Variants in ROBO3 observed in about 807,000 individuals in gnomAD.
ROBO3 encodes roundabout guidance receptor 3.
In ROBO3, 97 loss-of-function variants were observed where a neutral mutation model predicts 160.5. The ratio of observed to expected loss-of-function variants is 0.60; its 90% CI spans 0.51 to 0.72. ROBO3 has a LOEUF of 0.72. ROBO3 is among the 30% of genes least tolerant of loss of function. The probability of loss-of-function intolerance (pLI) is 0.00; values close to 1 mark genes in which losing one functional copy is unlikely to be tolerated. For synonymous variants in ROBO3, 780 were observed against 746.2 expected (o/e 1.05, Z -0.74); for missense variants, 1,858 against 1,846.5 (o/e 1.01, Z -0.11).
In ROBO3 at chr11:124,870,141, T is replaced by C. The variant is rs568098951; in HGVS notation, c.767-24T>C. 1.9e-6 allele frequency: 3 copies of C among 1,614,028 alleles called. No homozygotes were observed. The African/African-American group carries it at 4.0e-5, about 22-fold the overall frequency. On this transcript the variant is annotated intron_variant, in intron 4 of 27. Transcript: ENST00000397801. ...TAAGTAGCCGTGCAGACACCCTGACTGTTCACTCACTACCACTCCATAGAG... is the reference window on the plus strand; with the variant it reads ...TAAGTAGCCGTGCAGACACCCTGACCGTTCACTCACTACCACTCCATAGAG...
At position 124,873,261 on chromosome 11, in the gene ROBO3, T is replaced by A; in HGVS notation, c.1537-49T>A. On this transcript the variant is annotated intron_variant, in intron 9 of 27. Transcript: ENST00000397801. The surrounding 1 kb of genome is among the most constrained non-coding windows in gnomAD (Gnocchi z 4.5). ...CTGCTACCCGCCTCCACCCCCTCAC[T>A]GGATCTTGCTCCACTCTCAGTTTGC... The A allele has an allele frequency of 6.5e-7, 1 of 1,543,672 alleles. No individual in the cohort carries two copies. Among genetic ancestry groups the A allele is most frequent in the African/African-American group, 1.4e-5 (1 of 73,436 alleles).
intron 26 of ROBO3, 78 bp downstream of exon 26, chr11:124,880,026 C>A: frequency 1.5e-6 from 2 of 1,322,578 alleles, no homozygotes; most frequent in Non-Finnish European, 2.0e-6. Context: ...TGATAGTAGA[C>A]CAGCTCAGCC....
chr11:124,880,631 A>C lies in ROBO3; in HGVS notation c.4149+23A>C, dbSNP rs985282544. The C allele has an allele frequency of 2.6e-6, 4 of 1,512,218 alleles. No individual in the cohort carries two copies. In the African/African-American group the frequency reaches 5.6e-5, roughly 21 times the overall value. 93.7% of individuals were successfully genotyped at this position (1,512,218 alleles called of 1,614,324 possible). A position where few individuals can be genotyped will look rare whatever the true frequency, so the allele number is the denominator to read the frequency against. ...GAGGTAGGGGCCATAGATTGCAGAA[A>C]AATGAGGGCAGAGGACTAGGGAAGG... On this transcript the variant is annotated intron_variant, in intron 27 of 27. Coordinates refer to ENST00000397801, the MANE Select transcript of ROBO3 (RefSeq NM_022370.4).
In ROBO3 at chr11:124,873,593, C is replaced by T; in HGVS notation, c.1619-104C>T. The T allele has an allele frequency of 8.6e-7, 1 of 1,163,002 alleles. No individual in the cohort carries two copies. The highest frequency in any genetic ancestry group is 1.2e-6 in the Non-Finnish European group (1 of 824,960). 72.0% of individuals were successfully genotyped at this position (1,163,002 alleles called of 1,614,324 possible). On this transcript the variant is annotated intron_variant, in intron 10 of 27. Coordinates refer to ENST00000397801, the MANE Select transcript of ROBO3 (RefSeq NM_022370.4). The surrounding 1 kb of genome is among the most constrained non-coding windows in gnomAD (Gnocchi z 4.5). ...TTCATATACTATAGCCCACTCTGAC[C>T]ATCACCGCAGCTCAGAGCTCCATAG...
At chr11:124,870,548 G>C in intron 5 of ROBO3, 53 bp from the exon 6 acceptor site, 4 of 1,611,810 alleles carry the variant, frequency 2.5e-6, no homozygotes, top group South Asian at 2.2e-5. Context: ...CTGGGGGAGA[G>C]AGAAAGGGTC....
Position 124,869,664 on chromosome 11 carries a change from G to A in ROBO3, c.645+57G>A, listed in dbSNP as rs970875967. The A allele has an allele frequency of 8.7e-6, 13 of 1,492,036 alleles. No homozygotes were observed. Among genetic ancestry groups the A allele is most frequent in the Non-Finnish European group, 1.2e-5 (13 of 1,112,126 alleles). The allele number at this position is 1,492,036 out of a possible 1,614,324, so 92.4% of individuals were successfully genotyped here. On this transcript the variant is annotated intron_variant, in intron 3 of 27. Transcript: ENST00000397801. The surrounding 1 kb of genome is among the most constrained non-coding windows in gnomAD (Gnocchi z 4.2). Reference sequence around the variant, plus strand: ...CAAGGGAGGGGACATAGGGTAGGGAGGTGACAAGGCTGGAGATTGAGATCA... The same window carrying A: ...CAAGGGAGGGGACATAGGGTAGGGAAGTGACAAGGCTGGAGATTGAGATCA...
chr11:124,878,451 T>A lies in ROBO3; in HGVS notation c.3320+15T>A, dbSNP rs764768516. 1.2e-6 allele frequency: 2 copies of A among 1,610,838 alleles called. No individual in the cohort carries two copies. Among genetic ancestry groups the A allele is most frequent in the Admixed American group, 3.3e-5 (2 of 59,924 alleles). ...CTGGAGGGCAGGTAGAGATGCTCCCTGCTTCCAGGCCCACACACCTGCGGC... is the reference window on the plus strand; with the variant it reads ...CTGGAGGGCAGGTAGAGATGCTCCCAGCTTCCAGGCCCACACACCTGCGGC... On this transcript the variant is annotated intron_variant, in intron 22 of 27. Transcript: ENST00000397801. This position sits in a 1 kb window ranked among gnomAD's most constrained non-coding sequence, Gnocchi z 4.3.
intron 14 of ROBO3, 59 bp from the exon 15 acceptor site, chr11:124,875,505 G>T: frequency 6.3e-7 from 1 of 1,599,452 alleles, no homozygotes; most frequent in South Asian, 1.1e-5. Context: ...TGTTGGGGCA[G>T]GAGGGGCAGC....
chr11:124,868,337 C>CTTGACTT lies in ROBO3; in HGVS notation c.161-465_161-464insTTGACTT, dbSNP rs1307574834. 1.3e-4 allele frequency: 39 copies of CTTGACTT among 300,708 alleles called. No individual in the cohort carries two copies. The South Asian group carries it at 1.5e-3, about 12-fold the overall frequency. 18.6% of individuals were successfully genotyped at this position (300,708 alleles called of 1,614,324 possible). ...CATTCCCAATTTCACTGAGCCAGGA[C>CTTGACTT]CTTGCAGAAGTCAAGAACAAACTGT... On this transcript the variant is annotated intron_variant, in intron 1 of 27. Coordinates refer to ENST00000397801, the MANE Select transcript of ROBO3 (RefSeq NM_022370.4).
Position 124,878,726 on chromosome 11 carries a change from A to G in ROBO3, c.3463A>G (p.Thr1155Ala). Residue 1155 changes from threonine (T) to alanine (A), a missense_variant, in exon 23 of 28, where the codon ACT becomes GCT. Thr to Ala is a moderately conservative substitution (Grantham distance 58). Coordinates refer to ENST00000397801, the MANE Select transcript of ROBO3 (RefSeq NM_022370.4). The surrounding 1 kb of genome is among the most constrained non-coding windows in gnomAD (Gnocchi z 4.3). ...TPSYGQQSTA[T>A]LTPSPPDPPQ... ...TTCCTATGGACAGCAGTCCACAGCC[A>G]CTCTTACACCCTCACCTCCTGACCC... The G allele has an allele frequency of 6.2e-7, 1 of 1,613,144 alleles. No homozygotes were observed. The highest frequency in any genetic ancestry group is 8.5e-7 in the Non-Finnish European group (1 of 1,179,694).
intron 1 of ROBO3, among the ~76,000 whole-genome samples, chr11:124,868,094 C>T (rs1946225592): frequency 6.6e-6 from 1 of 152,174 alleles, no homozygotes; most frequent in Non-Finnish European, 1.5e-5. Context: ...CTATTGGAAA[C>T]TATGCACCTG....
In ROBO3 at chr11:124,879,916, C is replaced by G. The variant is rs757387893; in HGVS notation, c.3926C>G (p.Pro1309Arg). Residue 1309 changes from proline to arginine, a missense_variant, in exon 26 of 28, where the codon CCC becomes CGC. Transcript: ENST00000397801. ...SGERKAVQAVPLAAQRVLHPD... is the reference protein window; with the variant it reads ...SGERKAVQAVRLAAQRVLHPD... ...GAGAGGAAAGCGGTCCAGGCCGTGC[C>G]CCTGGCAGCCCAGCGGGTGCTCCAC... 6.2e-7 allele frequency: 1 copy of G among 1,600,686 alleles called. No homozygotes were observed. The highest frequency in any genetic ancestry group is 8.5e-7 in the Non-Finnish European group (1 of 1,174,384).
intron 1 of ROBO3, among the ~76,000 whole-genome samples, chr11:124,867,006 G>A (rs1208906755): frequency 1.3e-5 from 2 of 152,136 alleles, no homozygotes; most frequent in Admixed American, 1.3e-4. Context: ...ATCTAAGCTC[G>A]AAACTTAGTG....
intron 15 of ROBO3, 82 bp downstream of exon 15, chr11:124,875,767 G>A: frequency 2.0e-6 from 3 of 1,519,480 alleles, no homozygotes; most frequent in Non-Finnish European, 2.7e-6. Flanking sequence ...TTAGGGTGGA[G>A]GAAATCTATT....
intron 7 of ROBO3, among the ~76,000 whole-genome samples, chr11:124,871,988 T>C (rs986855226): frequency 1.3e-5 from 2 of 152,170 alleles, no homozygotes; most frequent in African/African-American, 2.4e-5. Context: ...CATGGATCTA[T>C]GGAATGAAAA....
rs760227341 is a variant in ROBO3, at chr11:124,865,637, C to T, written c.60C>T (p.Ala20=). The change falls in exon 1 of 28, where the codon GCC becomes GCT. Residue 20 remains alanine (A), a synonymous_variant. Coordinates refer to ENST00000397801, the MANE Select transcript of ROBO3 (RefSeq NM_022370.4). This position sits in a 1 kb window ranked among gnomAD's most constrained non-coding sequence, Gnocchi z 5.5. ...TGAACTTGTTCGCGGACTCTCTGGCCGGGGACATCTCCAACTCCAGCGAGC... is the reference window on the plus strand; with the variant it reads ...TGAACTTGTTCGCGGACTCTCTGGCTGGGGACATCTCCAACTCCAGCGAGC... ...LQMNLFADSL[A]GDISNSSELL... is the part of the protein sequence containing the mutation. 2 of 1,612,864 alleles carry T rather than the reference C, an allele frequency of 1.2e-6. No homozygotes were observed. Among genetic ancestry groups the T allele is most frequent in the South Asian group, 1.1e-5 (1 of 90,824 alleles).
chr11:124,880,919 G>A (rs540245055), intron 27 of ROBO3, among the ~76,000 whole-genome samples: 30 of 152,226 alleles, frequency 2.0e-4, no homozygotes, highest in African/African-American at 7.2e-4. Flanking sequence ...TGGGCGTGGT[G>A]GTATGCTCCT....
chr11:124,880,679 A>G, intron 27 of ROBO3, 71 bp downstream of exon 27: 1 of 1,452,300 alleles, frequency 6.9e-7, no homozygotes, highest in Admixed American at 2.6e-5. Context: ...GTAATGGAAA[A>G]CAGGAAGGTG....
At position 124,869,722 on chromosome 11, in the gene ROBO3, T is replaced by G; in HGVS notation, c.645+115T>G. ...AGCTAACCAGAGACTAAGAGTCAGCTATACAGTGAGGGATAAGGAAGACGG... is the reference window on the plus strand; with the variant it reads ...AGCTAACCAGAGACTAAGAGTCAGCGATACAGTGAGGGATAAGGAAGACGG... On this transcript the variant is annotated intron_variant, in intron 3 of 27. Coordinates refer to ENST00000397801, the MANE Select transcript of ROBO3 (RefSeq NM_022370.4). This position sits in a 1 kb window ranked among gnomAD's most constrained non-coding sequence, Gnocchi z 4.2. The G allele has an allele frequency of 1.5e-6, 2 of 1,317,324 alleles. No homozygotes were observed. The highest frequency in any genetic ancestry group is 2.1e-6 in the Non-Finnish European group (2 of 967,938). The allele number at this position is 1,317,324 out of a possible 1,614,324, so 81.6% of individuals were successfully genotyped here.
Sources: allele counts gnomAD v4.1 joint callset (sites outside exome capture counted in the v4.1 genomes callset), GRCh38; gene constraint gnomAD v4.1.1; non-coding constraint Gnocchi (gnomAD v3.1); transcripts MANE v1.5; gene names NCBI Gene and HGNC (gene_info 2026-07-23, HGNC 2026-07-21).